GRAMD2A: variants seen among roughly 807,000 people sequenced by gnomAD.
The protein encoded by GRAMD2A is GRAM domain-containing protein 2A.
A neutral mutation model predicts 51.1 loss-of-function variants in GRAMD2A; 37 were observed. The ratio of observed to expected loss-of-function variants is 0.72; its 90% CI spans 0.56 to 0.95. The LOEUF is 0.95. Ranked by LOEUF, GRAMD2A falls within the 40% of genes least tolerant of loss-of-function variation. The pLI, the probability that GRAMD2A is intolerant of heterozygous loss-of-function variation, is 0.00. For missense variants in GRAMD2A, 414 were observed against 426.9 expected (o/e 0.97, Z 0.27); for synonymous variants, 136 against 157.1 (o/e 0.87, Z 1.01).
At chr15:72,177,996 G>C (rs547620361) in intron 1 of GRAMD2A, among the ~76,000 whole-genome samples, 6 of 152,330 alleles carry the variant, frequency 3.9e-5, no homozygotes, top group African/African-American at 1.4e-4. Flanking sequence ...CCAAAGTGCT[G>C]GGATTATAGG....
chr15:72,184,303 A>G (rs2081719410), intron 1 of GRAMD2A, among the ~76,000 whole-genome samples: 2 of 152,242 alleles, frequency 1.3e-5, no homozygotes, highest in Non-Finnish European at 2.9e-5. Context: ...AGCCGCACCC[A>G]GCATTCCACA....
intron 1 of GRAMD2A, among the ~76,000 whole-genome samples, chr15:72,183,188 T>G (rs78583435): frequency 5.4e-5 from 8 of 146,816 alleles, no homozygotes; most frequent in African/African-American, 1.7e-4. Flanking sequence ...GGTTTTGTTG[T>G]TTTTTTTTTT....
chr15:72,197,393 G>A (rs778779773), intron 1 of GRAMD2A, among the ~76,000 whole-genome samples: 1 of 152,218 alleles, frequency 6.6e-6, no homozygotes. Flanking sequence ...AGGATGAACA[G>A]AGTGGCGAGG....
chr15:72,167,747 T>C lies in GRAMD2A; in HGVS notation c.361A>G (p.Lys121Glu). Reference protein sequence around the residue: ...WLCFHASLFGKDIKVVIPVVS... With the variant: ...WLCFHASLFGEDIKVVIPVVS... ...CCACTCATTACTACCTTGATATCCT[T>C]GCCAAAGAGGCTGGCATGGAAGCAG... Residue 121 changes from lysine (K) to glutamate (E), a missense_variant, in exon 5 of 12, where the codon AAG (lysine) becomes GAG (glutamate). Physicochemically the swap from Lys to Glu is moderately conservative, Grantham distance 56. Transcript: ENST00000309731. 1.2e-6 allele frequency: 2 copies of C among 1,613,454 alleles called. No homozygotes were observed. Among genetic ancestry groups the C allele is most frequent in the Non-Finnish European group, 1.7e-6 (2 of 1,179,424 alleles).
chr15:72,169,972 G>T (rs755613012), intron 1 of GRAMD2A, 33 bp from the exon 2 acceptor site: 2 of 1,496,644 alleles, frequency 1.3e-6, no homozygotes, highest in Non-Finnish European at 1.9e-6. Context: ...CAGGAAGGGG[G>T]CTTCATGAGG....
intron 10 of GRAMD2A, 133 bp from the exon 11 acceptor site, chr15:72,162,510 G>T: frequency 1.6e-6 from 1 of 631,850 alleles, no homozygotes. Flanking sequence ...CCTGCAGCCA[G>T]TTCAGGCCTC....
In GRAMD2A at chr15:72,159,816, A is replaced by C. The variant is rs898430662; in HGVS notation, c.*2193T>G. 1.3e-5 allele frequency: 2 copies of C among 152,234 alleles called. No individual in the cohort carries two copies. The highest frequency in any genetic ancestry group is 1.3e-4 in the Admixed American group (2 of 15,280). 9.4% of individuals were successfully genotyped at this position (152,234 alleles called of 1,614,324 possible). ...CTTTCTATACCATAATACACTAGAA[A>C]AATCAAGTTTTTTATTTTAAAATAT... On this transcript the variant is annotated 3_prime_UTR_variant, in exon 12 of 12. Coordinates refer to ENST00000309731, the MANE Select transcript of GRAMD2A (RefSeq NM_001012642.3).
intron 1 of GRAMD2A, chr15:72,176,618 C>T (rs551480290): frequency 3.9e-5 from 6 of 152,478 alleles, no homozygotes; most frequent in African/African-American, 1.4e-4. Flanking sequence ...GGGAAATAGC[C>T]ATCCAAGGAC....
intron 1 of GRAMD2A, among the ~76,000 whole-genome samples, chr15:72,171,500 T>C (rs1482997244): frequency 6.6e-6 from 1 of 152,208 alleles, no homozygotes; most frequent in Non-Finnish European, 1.5e-5. Context: ...TCACTGTCCA[T>C]TCCTAAGATA....
At position 72,162,012 on chromosome 15, in the gene GRAMD2A, C is replaced by T; in HGVS notation, c.1062G>A (p.Arg354=). 6.2e-7 allele frequency: 1 copy of T among 1,614,100 alleles called. No individual in the cohort carries two copies. ...LSWDDPVPGH[R] is the part of the protein sequence containing the mutation. ...GGGGACAAAGGCCAAGTGGCTGTTACCTGCACACAGGAAAGATGTCCACAT... is the reference window on the plus strand; with the variant it reads ...GGGGACAAAGGCCAAGTGGCTGTTATCTGCACACAGGAAAGATGTCCACAT... Residue 354 remains arginine (R), a splice_region_variant and synonymous_variant, in exon 12 of 12, where the codon AGG becomes AGA. Coordinates refer to ENST00000309731, the MANE Select transcript of GRAMD2A (RefSeq NM_001012642.3).
intron 1 of GRAMD2A, among the ~76,000 whole-genome samples, chr15:72,177,078 C>A (rs2140553178): frequency 6.6e-6 from 1 of 151,556 alleles, no homozygotes; most frequent in South Asian, 2.1e-4. Context: ...CTCTGTTGCC[C>A]AGGCTGGTCC....
At chr15:72,195,788 C>T (rs1346729587) in intron 1 of GRAMD2A, among the ~76,000 whole-genome samples, 1 of 151,908 alleles carries the variant, frequency 6.6e-6, no homozygotes, top group Non-Finnish European at 1.5e-5. Flanking sequence ...GGTGTGGTGG[C>T]GCATGCCTGT....
At chr15:72,175,386 CCTT>C (rs2081645608) in intron 1 of GRAMD2A, among the ~76,000 whole-genome samples, 1 of 152,200 alleles carries the variant, frequency 6.6e-6, no homozygotes, top group Non-Finnish European at 1.5e-5. Context: ...TGCTGATGCT[CCTT>C]CTTCACTTCC....
intron 1 of GRAMD2A, among the ~76,000 whole-genome samples, chr15:72,188,768 C>T (rs370579772): frequency 8.1e-4 from 123 of 152,122 alleles, no homozygotes; most frequent in African/African-American, 2.7e-3. Flanking sequence ...CTGCAACCTC[C>T]GACCCCCAGG....
intron 1 of GRAMD2A, among the ~76,000 whole-genome samples, chr15:72,181,023 G>T (rs144154894): frequency 3.3e-4 from 50 of 152,352 alleles, no homozygotes; most frequent in African/African-American, 1.1e-3. Context: ...TCATCTCCAA[G>T]GGATGCTAGC....
chr15:72,173,897 C>G (rs966803795), intron 1 of GRAMD2A: 68 of 146,478 alleles, frequency 4.6e-4, no homozygotes, highest in African/African-American at 1.6e-3. Context: ...CCATTGCACT[C>G]CAGTCCAGCC....
intron 1 of GRAMD2A, among the ~76,000 whole-genome samples, chr15:72,177,173 A>T (rs1596691106): frequency 1.2e-5 from 1 of 85,594 alleles, no homozygotes; most frequent in Non-Finnish European, 2.5e-5. Flanking sequence ...GCAGTCCTTT[A>T]AAAAAAAAAA....
chr15:72,179,940 A>G (rs2081684390), intron 1 of GRAMD2A, among the ~76,000 whole-genome samples: 1 of 152,130 alleles, frequency 6.6e-6, no homozygotes, highest in South Asian at 2.1e-4. Context: ...CAGCCGCGGC[A>G]AGGCCCTCTC....
intron 8 of GRAMD2A, among the ~76,000 whole-genome samples, chr15:72,164,938 A>G (rs1320198848): frequency 6.6e-6 from 1 of 152,190 alleles, no homozygotes; most frequent in Admixed American, 6.5e-5. Flanking sequence ...CATGAATTCG[A>G]GATCAGCTTG....
Sources: allele counts gnomAD v4.1 joint callset (sites outside exome capture counted in the v4.1 genomes callset), GRCh38; gene constraint gnomAD v4.1.1; transcripts MANE v1.5; gene names NCBI Gene and HGNC (gene_info 2026-07-23, HGNC 2026-07-21).